The following KLHL1 variants were observed in gnomAD, a reference collection of about 807,000 sequenced individuals.
KLHL1 encodes the protein kelch like family member 1.
Under a neutral mutation model 77.7 loss-of-function variants are expected in KLHL1, and 47 were observed. That is an observed-to-expected ratio of 0.60 (90% CI 0.48 to 0.77). The LOEUF (loss-of-function observed/expected upper bound fraction) is 0.77. KLHL1 is among the 30% of genes least tolerant of loss of function. KLHL1 has a pLI of 0.00. For missense variants in KLHL1, 925 were observed against 910.8 expected (o/e 1.02, Z -0.20); for synonymous variants, 360 against 325.2 (o/e 1.11, Z -1.15).
chr13:69,999,471 C>A (rs1052504207), intron 1 of KLHL1, among the ~76,000 whole-genome samples: 1 of 151,988 alleles, frequency 6.6e-6, no homozygotes, highest in Non-Finnish European at 1.5e-5. Flanking sequence ...AAACTTTGAG[C>A]TTGAAAGGTT....
intron 1 of KLHL1, among the ~76,000 whole-genome samples, chr13:69,991,507 A>C (rs1053690060): frequency 2.6e-5 from 4 of 152,006 alleles, no homozygotes; most frequent in African/African-American, 9.7e-5. Flanking sequence ...GTTACCACTG[A>C]CCCCAAGAAA....
chr13:69,710,127 G>A (rs964270663), intron 9 of KLHL1, among the ~76,000 whole-genome samples: 6 of 151,654 alleles, frequency 4.0e-5, no homozygotes, highest in South Asian at 2.1e-4. Context: ...TGAGAAAACA[G>A]CAAACGTTAG....
chr13:69,792,195 A>G (rs1876903260), intron 7 of KLHL1, among the ~76,000 whole-genome samples: 1 of 152,190 alleles, frequency 6.6e-6, no homozygotes, highest in Non-Finnish European at 1.5e-5. Flanking sequence ...CAGAGTATCA[A>G]AACGTAAAAG....
chr13:70,088,525 C>G (rs958225762), intron 1 of KLHL1, among the ~76,000 whole-genome samples: 1 of 152,000 alleles, frequency 6.6e-6, no homozygotes, highest in Non-Finnish European at 1.5e-5. Flanking sequence ...ATAAAATAAA[C>G]TTGTGAAACT....
At chr13:69,793,116 A>C (rs1029336955) in intron 7 of KLHL1, among the ~76,000 whole-genome samples, 8 of 152,118 alleles carry the variant, frequency 5.3e-5, no homozygotes. Flanking sequence ...ATAGCACATA[A>C]AAAATCCATA....
chr13:69,801,032 C>A (rs564929671), intron 6 of KLHL1, among the ~76,000 whole-genome samples: 1 of 152,150 alleles, frequency 6.6e-6, no homozygotes, highest in Admixed American at 6.6e-5. Context: ...TTACTCTGTG[C>A]GTAGAATATA....
chr13:70,099,781 T>C (rs1887880445), intron 1 of KLHL1, among the ~76,000 whole-genome samples: 1 of 152,094 alleles, frequency 6.6e-6, no homozygotes, highest in African/African-American at 2.4e-5. Flanking sequence ...AACATTAAAC[T>C]AATGAACAGC....
intron 5 of KLHL1, among the ~76,000 whole-genome samples, chr13:69,846,423 T>C (rs1215952534): frequency 6.6e-6 from 1 of 151,518 alleles, no homozygotes; most frequent in Non-Finnish European, 1.5e-5. Context: ...AAAATCGGAA[T>C]AATTTAGCCA....
intron 1 of KLHL1, among the ~76,000 whole-genome samples, chr13:70,003,605 T>C (rs1388906013): frequency 6.6e-6 from 1 of 151,806 alleles, no homozygotes; most frequent in Non-Finnish European, 1.5e-5. Flanking sequence ...TAATTGTGTT[T>C]AGCTTCATTC....
At chr13:69,857,598 T>C (rs762171776) in intron 5 of KLHL1, among the ~76,000 whole-genome samples, 4 of 152,122 alleles carry the variant, frequency 2.6e-5, no homozygotes, top group African/African-American at 7.2e-5. Context: ...AAGTTTCCTA[T>C]TCATTTGTAT....
intron 1 of KLHL1, among the ~76,000 whole-genome samples, chr13:70,083,640 T>A (rs977943421): frequency 3.3e-5 from 5 of 152,162 alleles, no homozygotes; most frequent in Admixed American, 2.6e-4. Context: ...AAGTAAAAAC[T>A]TTAATCAAAG....
chr13:69,825,799 C>T (rs1435445493), intron 6 of KLHL1, among the ~76,000 whole-genome samples: 1 of 152,082 alleles, frequency 6.6e-6, no homozygotes, highest in Non-Finnish European at 1.5e-5. Flanking sequence ...TGATGAGCTA[C>T]AGAGGGCAGA....
At chr13:69,803,686 A>C (rs1367778278) in intron 6 of KLHL1, among the ~76,000 whole-genome samples, 1 of 152,168 alleles carries the variant, frequency 6.6e-6, no homozygotes, top group East Asian at 1.9e-4. Flanking sequence ...TTCTCCAGTT[A>C]GTGGTAGAAG....
At chr13:70,044,331 T>TCA (rs1333726833) in intron 1 of KLHL1, among the ~76,000 whole-genome samples, 1 of 152,216 alleles carries the variant, frequency 6.6e-6, no homozygotes, top group Non-Finnish European at 1.5e-5. Flanking sequence ...AAATGAAATC[T>TCA]CACAGATAGG....
At chr13:70,027,652 G>GTTTTTTGTT (rs1555291739) in intron 1 of KLHL1, among the ~76,000 whole-genome samples, 3 of 135,840 alleles carry the variant, frequency 2.2e-5, no homozygotes, top group South Asian at 4.5e-4. Flanking sequence ...AATGTAAGTT[G>GTTTTTTGTT]TTTTTTTTTT....
chr13:69,975,797 G>T lies in KLHL1; in HGVS notation c.503C>A (p.Ser168Ter), dbSNP rs769714868. ...AGGTGTCATTGAATGGCCGGTTGATGACAGCCTATAAACCACACACACACA... is the reference window on the plus strand; with the variant it reads ...AGGTGTCATTGAATGGCCGGTTGATTACAGCCTATAAACCACACACACACA... ...ATGEGCGHRL[S>*]STGHSMTPQS... The change falls in exon 2 of 11, where the codon TCA becomes TAA. Residue 168 changes from serine to a stop codon, truncating the protein, a stop_gained. Coordinates refer to ENST00000377844, the MANE Select transcript of KLHL1 (RefSeq NM_020866.3). LOFTEE classifies it high-confidence loss of function. The T allele has an allele frequency of 5.6e-6, 9 of 1,606,114 alleles. No individual in the cohort carries two copies. The highest frequency in any genetic ancestry group is 1.3e-5 in the African/African-American group (1 of 74,360).
chr13:70,077,850 C>G (rs935979076), intron 1 of KLHL1, among the ~76,000 whole-genome samples: 1 of 151,790 alleles, frequency 6.6e-6, no homozygotes, highest in Non-Finnish European at 1.5e-5. Context: ...CCAATAAAAT[C>G]GAAGTCATGA....
chr13:69,880,722 A>G (rs571973909), intron 5 of KLHL1, among the ~76,000 whole-genome samples: 3 of 152,164 alleles, frequency 2.0e-5, no homozygotes, highest in Non-Finnish European at 2.9e-5. Context: ...ACGAGGGCAT[A>G]AAAGAATGAC....
intron 3 of KLHL1, among the ~76,000 whole-genome samples, chr13:69,955,893 G>T (rs986987546): frequency 1.5e-5 from 2 of 132,400 alleles, no homozygotes; most frequent in Non-Finnish European, 3.2e-5. Flanking sequence ...ATATATATTT[G>T]ATATATTTAT....
Sources: gnomAD v4.1 joint callset for allele counts (sites outside exome capture counted in the v4.1 genomes callset) on GRCh38, gnomAD v4.1.1 for gene constraint, MANE v1.5 for transcripts, NCBI Gene and HGNC (gene_info 2026-07-23, HGNC 2026-07-21) for gene names.